The following NHS variants were observed in gnomAD, a reference collection of about 807,000 sequenced individuals.
The protein encoded by NHS is actin remodeling regulator NHS.
In NHS, 5 loss-of-function variants were observed where a neutral mutation model predicts 72.5. The ratio of observed to expected loss-of-function variants is 0.07; its 90% CI spans 0.04 to 0.14. The LOEUF (loss-of-function observed/expected upper bound fraction) is 0.14, where lower values mean the gene tolerates loss of function less well. NHS is among the 10% of genes least tolerant of loss of function. The pLI is 1.00. For missense variants in NHS, 1,072 were observed against 1,355.7 expected (o/e 0.79, Z 3.29); for synonymous variants, 464 against 547.7 (o/e 0.85, Z 2.13).
At chrX:17,616,423 G>A (rs2065747545) in intron 1 of NHS, among the ~76,000 whole-genome samples, 1 of 112,487 alleles carries the variant, frequency 8.9e-6, no homozygotes. Flanking sequence ...GAAATACAAT[G>A]CAAAACACAG....
At chrX:17,538,572 T>C (rs2065244555) in intron 1 of NHS, among the ~76,000 whole-genome samples, 1 of 111,699 alleles carries the variant, frequency 9.0e-6, no homozygotes, top group South Asian at 3.8e-4. Flanking sequence ...CCCAGAGATG[T>C]TGAGTCCTGG....
At chrX:17,430,259 T>TTCTCTTTCTTTC (rs1165667840) in intron 1 of NHS, among the ~76,000 whole-genome samples, 2 of 51,570 alleles carry the variant, frequency 3.9e-5, no homozygotes, top group African/African-American at 8.3e-5. Flanking sequence ...CCCTCTTTCT[T>TTCTCTTTCTTTC]TTTCTTTCTT....
At chrX:17,708,697 A>G (rs2066310326) in intron 3 of NHS, among the ~76,000 whole-genome samples, 1 of 111,149 alleles carries the variant, frequency 9.0e-6, no homozygotes, top group South Asian at 3.8e-4. Context: ...TTTGATATGA[A>G]CACTGGGAGG....
intron 1 of NHS, among the ~76,000 whole-genome samples, chrX:17,450,173 C>T (rs1394333545): frequency 1.8e-5 from 2 of 111,516 alleles, no homozygotes; most frequent in Non-Finnish European, 3.8e-5. Context: ...CACTACGTAC[C>T]AGGATTCTCA....
intron 1 of NHS, among the ~76,000 whole-genome samples, chrX:17,450,344 C>T (rs1026495890): frequency 1.8e-5 from 2 of 112,047 alleles, no homozygotes; most frequent in African/African-American, 3.2e-5. Flanking sequence ...TACCAGCTAA[C>T]GTTTATTGAT....
intron 1 of NHS, among the ~76,000 whole-genome samples, chrX:17,414,190 C>T (rs992377689): frequency 8.9e-6 from 1 of 112,038 alleles, no homozygotes; most frequent in African/African-American, 3.3e-5. Context: ...GCTTTCTGTG[C>T]AATTGATTGC....
intron 1 of NHS, among the ~76,000 whole-genome samples, chrX:17,378,059 C>CGTGTGTGTGTGTGT (rs34807039): frequency 1.5e-3 from 155 of 101,053 alleles, no homozygotes; most frequent in African/African-American, 5.3e-3. Context: ...ATACATTTCC[C>CGTGTGTGTGTGTGT]GTGTGTGTGT....
chrX:17,546,985 T>G lies in NHS; in HGVS notation c.566-140757T>G, dbSNP rs140008055. ...ATAAAATAAATGAGGGCAGTCAATG[T>G]ATGCTGGCCTCTTGGAGGCCTCTGC... is the stretch of plus-strand genomic sequence containing the variant. On this transcript the variant is annotated intron_variant, in intron 1 of 8. Transcript: ENST00000676302. 1.2e-4 allele frequency among the ~76,000 whole-genome samples: 13 copies of G among 112,180 alleles called. No homozygotes were observed. In the East Asian group the frequency reaches 3.1e-3, roughly 27 times the overall value.
chrX:17,491,176 G>A (rs2064989369), intron 1 of NHS, among the ~76,000 whole-genome samples: 1 of 111,767 alleles, frequency 8.9e-6, no homozygotes, highest in African/African-American at 3.3e-5. Flanking sequence ...AATAGGAGTG[G>A]TGAGAGAGGG....
At chrX:17,456,988 T>A (rs1311091270) in intron 1 of NHS, among the ~76,000 whole-genome samples, 1 of 112,271 alleles carries the variant, frequency 8.9e-6, no homozygotes, top group Non-Finnish European at 1.9e-5. Context: ...AGCTGAGATG[T>A]ATCTTGCCCT....
At chrX:17,617,021 A>T (rs2065750848) in intron 1 of NHS, among the ~76,000 whole-genome samples, 1 of 112,293 alleles carries the variant, frequency 8.9e-6, no homozygotes, top group Admixed American at 9.4e-5. Context: ...GAGACCTTCG[A>T]TTAGCCAGCT....
chrX:17,721,384 A>G lies in NHS; in HGVS notation c.916-57A>G, dbSNP rs2066404938. 6 of 1,131,410 alleles carry G rather than the reference A, an allele frequency of 5.3e-6. No individual in the cohort carries two copies. The Admixed American group carries it at 1.1e-4, about 21-fold the overall frequency. The allele number at this position is 1,131,410 out of a possible 1,213,427, so 93.2% of individuals were successfully genotyped here. ...TCTTCTCTAAACTAGGAAATTCCTT[A>G]TATGTGTGCTTATGTATAAACTATG... On this transcript the variant is annotated intron_variant, in intron 4 of 8. Transcript: ENST00000676302.
chrX:17,507,044 C>A (rs750036234), intron 1 of NHS, among the ~76,000 whole-genome samples: 1 of 112,305 alleles, frequency 8.9e-6, no homozygotes, highest in Non-Finnish European at 1.9e-5. Flanking sequence ...TCCTTACTAC[C>A]TTTTGTAGTT....
chrX:17,417,091 T>TACACACACACAC (rs753132773), intron 1 of NHS, among the ~76,000 whole-genome samples: 120 of 98,033 alleles, frequency 1.2e-3, no homozygotes, highest in African/African-American at 4.0e-3. Context: ...GAAAACAGAA[T>TACACACACACAC]ACACACACAC....
At chrX:17,528,217 C>T (rs1249271746) in intron 1 of NHS, among the ~76,000 whole-genome samples, 3 of 111,672 alleles carry the variant, frequency 2.7e-5, no homozygotes, top group Non-Finnish European at 5.7e-5. Context: ...GCTAAACCTC[C>T]TACAATGCAC....
chrX:17,692,664 T>A (rs1267872455), intron 3 of NHS, among the ~76,000 whole-genome samples, 196 bp downstream of exon 3: 2 of 111,471 alleles, frequency 1.8e-5, no homozygotes, highest in Non-Finnish European at 3.8e-5. Flanking sequence ...CAGACATATT[T>A]TTTAGTTAAC....
At chrX:17,721,338 C>G (rs1484809703) in intron 4 of NHS, 103 bp from the exon 5 acceptor site, 1 of 741,675 alleles carries the variant, frequency 1.3e-6, no homozygotes, top group Non-Finnish European at 2.1e-6. Flanking sequence ...GTCCTAAGGG[C>G]CTATTTCTGA....
intron 1 of NHS, among the ~76,000 whole-genome samples, chrX:17,543,285 C>T (rs890015457): frequency 3.6e-5 from 4 of 112,216 alleles, no homozygotes; most frequent in Non-Finnish European, 7.5e-5. Flanking sequence ...GGATACAGTG[C>T]GTTTCGCCTT....
chrX:17,432,179 G>C (rs1326118265), intron 1 of NHS, among the ~76,000 whole-genome samples: 2 of 112,688 alleles, frequency 1.8e-5, no homozygotes, highest in African/African-American at 6.4e-5. Flanking sequence ...ATAGAAATAA[G>C]AATACTACCT....
Sources: gnomAD v4.1 joint callset for allele counts (sites outside exome capture counted in the v4.1 genomes callset) on GRCh38, gnomAD v4.1.1 for gene constraint, MANE v1.5 for transcripts, NCBI Gene and HGNC (gene_info 2026-07-23, HGNC 2026-07-21) for gene names.